The following TMEM120B variants were observed in gnomAD, a reference collection of about 807,000 sequenced individuals.
TMEM120B encodes transmembrane protein 120B.
A neutral mutation model predicts 55.5 loss-of-function variants in TMEM120B; 31 were observed. That is an observed-to-expected ratio of 0.56 (90% CI 0.42 to 0.75). The LOEUF (loss-of-function observed/expected upper bound fraction) is 0.75, where lower values mean the gene tolerates loss of function less well. Among genes scored for constraint, TMEM120B ranks in the 30% least tolerant of loss-of-function variants. TMEM120B has a pLI of 0.00. For synonymous variants in TMEM120B, 203 were observed against 176.3 expected (o/e 1.15, Z -1.20); for missense variants, 399 against 425.5 (o/e 0.94, Z 0.55).
rs546865796 is a variant in TMEM120B, at chr12:121,712,772, CT to C, written c.-123del. 6,474 of 587,242 alleles carry C rather than the reference CT, an allele frequency of 0.011. 47 individuals carry two copies. The highest frequency in any genetic ancestry group is 0.013 in the Non-Finnish European group (5,389 of 406,928). 36.4% of individuals were successfully genotyped at this position (587,242 alleles called of 1,614,324 possible). On this transcript the variant is annotated 5_prime_UTR_variant, in exon 1 of 12. Transcript: ENST00000449592. ...ACGTCAGTTGCGCGCGTGGCTCTGG[CT>C]GCGCAGGAACAGCTGGTGCCTCCGA...
intron 5 of TMEM120B, among the ~76,000 whole-genome samples, chr12:121,761,415 A>G (rs1179340019): frequency 6.6e-6 from 1 of 152,152 alleles, no homozygotes; most frequent in Non-Finnish European, 1.5e-5. Flanking sequence ...TGGAGCTTGA[A>G]GCGCAGGTGG....
chr12:121,766,060 C>T (rs536414572), intron 6 of TMEM120B, among the ~76,000 whole-genome samples: 14 of 152,274 alleles, frequency 9.2e-5, no homozygotes, highest in Middle Eastern at 3.4e-3. Context: ...GGGGCCATCA[C>T]GGCATTCTAG....
In TMEM120B at chr12:121,774,724, T is replaced by G; in HGVS notation, c.837+2T>G. The G allele has an allele frequency of 6.2e-7, 1 of 1,613,790 alleles. No individual in the cohort carries two copies. The highest frequency in any genetic ancestry group is 8.5e-7 in the Non-Finnish European group (1 of 1,179,810). On this transcript the variant is annotated splice_donor_variant, in intron 10 of 11. Coordinates refer to ENST00000449592, the MANE Select transcript of TMEM120B (RefSeq NM_001080825.2). LOFTEE classifies it high-confidence loss of function. Reference sequence around the variant, plus strand: ...CTGCCCTTCCTCTTCTGTGGCCATGTGAGTCCCCCTGGAGTTTGTGGGTAT... The same window carrying G: ...CTGCCCTTCCTCTTCTGTGGCCATGGGAGTCCCCCTGGAGTTTGTGGGTAT...
rs1200522084 is a variant in TMEM120B at position 121,755,903 on chromosome 12, C to G, written c.461+3680C>G. Among the ~76,000 whole-genome samples the G allele has an allele frequency of 2.6e-5, 4 of 152,270 alleles. No homozygotes were observed. The East Asian group carries it at 5.8e-4, about 22-fold the overall frequency. On this transcript the variant is annotated intron_variant, in intron 5 of 11. Transcript: ENST00000449592. The stretch of plus-strand genomic sequence containing the variant: ...CTCCACCCTTCTGATCTGCACCTTG[C>G]ACCAGCAGAGTAGATGCTGGTGGCT...
chr12:121,751,105 C>G, intron 4 of TMEM120B, among the ~76,000 whole-genome samples: 1 of 129,782 alleles, frequency 7.7e-6, no homozygotes, highest in Non-Finnish European at 1.6e-5. Flanking sequence ...CCCACACCCA[C>G]ACCCCAAACC....
At chr12:121,749,499 T>C (rs76854874) in intron 3 of TMEM120B, among the ~76,000 whole-genome samples, 13,189 of 152,158 alleles carry the variant, frequency 0.087, 1,028 homozygotes, top group African/African-American at 0.21. Context: ...CTGGACAACA[T>C]TGTGAGACCA....
At chr12:121,757,523 T>A (rs113734230) in intron 5 of TMEM120B, among the ~76,000 whole-genome samples, 14,992 of 134,534 alleles carry the variant, frequency 0.11, 903 homozygotes, top group African/African-American at 0.17. Flanking sequence ...TATTATTATT[T>A]ATTTTTTTTT....
intron 2 of TMEM120B, among the ~76,000 whole-genome samples, chr12:121,744,090 A>C (rs1592934363): frequency 5.8e-5 from 7 of 120,786 alleles, no homozygotes; most frequent in Non-Finnish European, 8.3e-5. Flanking sequence ...GGAGTCTTTC[A>C]CTCTGTTGCC....
chr12:121,714,735 T>C (rs1894666040), intron 1 of TMEM120B, among the ~76,000 whole-genome samples: 1 of 151,394 alleles, frequency 6.6e-6, no homozygotes, highest in Non-Finnish European at 1.5e-5. Flanking sequence ...CTAATTTTTG[T>C]ATTTTTAGTA....
In TMEM120B at chr12:121,777,359, C is replaced by G. The variant is rs1161920798; in HGVS notation, c.*1637C>G. Reference sequence around the variant, plus strand: ...CCAACTCATGGGCTCAACTCATCCTCCTATCTTGGCCTCCCAAAGCGCTGG... The same window carrying G: ...CCAACTCATGGGCTCAACTCATCCTGCTATCTTGGCCTCCCAAAGCGCTGG... On this transcript the variant is annotated 3_prime_UTR_variant, in exon 12 of 12. Transcript: ENST00000449592. The G allele has an allele frequency of 6.6e-6, 1 of 152,226 alleles. No homozygotes were observed. Among genetic ancestry groups the G allele is most frequent in the African/African-American group, 2.4e-5 (1 of 41,414 alleles). 9.4% of individuals were successfully genotyped at this position (152,226 alleles called of 1,614,324 possible). A position where few individuals can be genotyped will look rare whatever the true frequency, so the allele number is the denominator to read the frequency against.
intron 1 of TMEM120B, among the ~76,000 whole-genome samples, chr12:121,739,597 C>T (rs555406838): frequency 6.6e-5 from 10 of 152,030 alleles, no homozygotes; most frequent in South Asian, 2.1e-4. Context: ...CTCAGCCTTC[C>T]GAGTAGCTGG....
intron 1 of TMEM120B, among the ~76,000 whole-genome samples, chr12:121,730,704 T>C (rs527486053): frequency 1.6e-3 from 234 of 145,874 alleles, no homozygotes; most frequent in African/African-American, 5.7e-3. Context: ...ACACCTGTAA[T>C]CCCAGCAGTT....
At chr12:121,761,840 CCTCCTTGGGGGTTG>C (rs1873688855) in intron 6 of TMEM120B, 102 bp downstream of exon 6, 1 of 874,736 alleles carries the variant, frequency 1.1e-6, no homozygotes, top group Non-Finnish European at 1.9e-6. Context: ...GCATTCCTCT[CCTCCTTGGGGGTTG>C]CTCTGTGACT....
chr12:121,758,792 C>G, intron 5 of TMEM120B: 1 of 978,808 alleles, frequency 1.0e-6, no homozygotes, highest in South Asian at 4.8e-5. Flanking sequence ...GGAGGACGGC[C>G]TAGCCCCGTG....
chr12:121,737,598 A>G (rs1284134734), intron 1 of TMEM120B, among the ~76,000 whole-genome samples: 2 of 152,032 alleles, frequency 1.3e-5, no homozygotes, highest in African/African-American at 2.4e-5. Flanking sequence ...GGCCTCTGCC[A>G]TTTGCATCAT....
At chr12:121,764,260 G>T (rs1268314583) in intron 6 of TMEM120B, among the ~76,000 whole-genome samples, 1 of 151,720 alleles carries the variant, frequency 6.6e-6, no homozygotes, top group African/African-American at 2.4e-5. Context: ...GGTGGCTCAT[G>T]CCTGTAATCC....
chr12:121,775,025 A>T lies in TMEM120B; in HGVS notation c.838-37A>T. 1 of 1,606,256 alleles carries T rather than the reference A, an allele frequency of 6.2e-7. No homozygotes were observed. Among genetic ancestry groups the T allele is most frequent in the Non-Finnish European group, 8.5e-7 (1 of 1,175,442 alleles). On this transcript the variant is annotated intron_variant, in intron 10 of 11. Transcript: ENST00000449592. The surrounding 1 kb of genome is among the most constrained non-coding windows in gnomAD (Gnocchi z 4.3). ...GGCTTTCTACGTGGCCGGCCAGGGG[A>T]GTCTGGTGGGTGAGCAGCGCCTGCC... is the stretch of plus-strand genomic sequence containing the variant.
At chr12:121,723,194 G>T (rs890192916) in intron 1 of TMEM120B, among the ~76,000 whole-genome samples, 1 of 151,946 alleles carries the variant, frequency 6.6e-6, no homozygotes, top group African/African-American at 2.4e-5. Context: ...AGAGAGGGGG[G>T]TCTAACTCCA....
intron 9 of TMEM120B, 24 bp from the exon 10 acceptor site, chr12:121,774,634 C>T: frequency 6.2e-7 from 1 of 1,612,388 alleles, no homozygotes; most frequent in Non-Finnish European, 8.5e-7. Context: ...TCAGCGGGTC[C>T]TTTTTCTTCC....
Sources: allele counts gnomAD v4.1 joint callset (sites outside exome capture counted in the v4.1 genomes callset), GRCh38; gene constraint gnomAD v4.1.1; non-coding constraint Gnocchi (gnomAD v3.1); transcripts MANE v1.5; gene names NCBI Gene and HGNC (gene_info 2026-07-23, HGNC 2026-07-21).